COMMD1: variants seen among roughly 807,000 people sequenced by gnomAD.
The protein encoded by COMMD1 is copper metabolism domain containing 1.
COMMD1 carries 10 observed loss-of-function variants against 17.2 expected under a neutral mutation model. The observed-to-expected ratio is 0.58, with a 90% CI of 0.36 to 0.99. COMMD1 has a LOEUF of 0.99. Ranked by LOEUF, COMMD1 falls within the 50% of genes least tolerant of loss-of-function variation. The pLI is 0.01. For synonymous variants in COMMD1, 97 were observed against 91.6 expected, an observed-to-expected ratio of 1.06 and a Z score of -0.34; for missense variants, 270 against 231.8, an observed-to-expected ratio of 1.17 and a Z score of -1.07.
rs142673871 is a variant in COMMD1, at chr2:62,126,348, C to A, written c.463-9483C>A. The stretch of plus-strand genomic sequence containing the variant: ...TCTAGATCTTTGATGAATCGCCACA[C>A]CGTCTTCCACAATGGTTGGACTAAT... On this transcript the variant is annotated intron_variant, in intron 2 of 2. Transcript: ENST00000311832. Among the ~76,000 whole-genome samples, 1,169 of 152,314 alleles carry A rather than the reference C, an allele frequency of 7.7e-3. 14 individuals are homozygous for A. Among genetic ancestry groups the A allele is most frequent in the African/African-American group, 0.026 (1,097 of 41,570 alleles).
At chr2:62,088,200 C>T (rs1259944745) in intron 2 of COMMD1, among the ~76,000 whole-genome samples, 1 of 152,114 alleles carries the variant, frequency 6.6e-6, no homozygotes, top group Admixed American at 6.6e-5. Flanking sequence ...TATAAATATA[C>T]TTCCAGCCTT....
chr2:62,135,176 C>G lies in COMMD1; in HGVS notation c.463-655C>G, dbSNP rs1387426976. ...GTATTTATTTTTGATACAGGTTAAC[C>G]TCTTTGTGCCTCAGGGTCCTCATTT... On this transcript the variant is annotated intron_variant, in intron 2 of 2. Coordinates refer to ENST00000311832, the MANE Select transcript of COMMD1 (RefSeq NM_152516.4). 2.6e-5 allele frequency among the ~76,000 whole-genome samples: 4 copies of G among 152,172 alleles called. No homozygotes were observed. The South Asian group carries it at 8.3e-4, about 31-fold the overall frequency.
At chr2:62,117,877 C>T (rs1353063742) in intron 2 of COMMD1, among the ~76,000 whole-genome samples, 1 of 152,066 alleles carries the variant, frequency 6.6e-6, no homozygotes, top group Non-Finnish European at 1.5e-5. Flanking sequence ...CAGAAATGAT[C>T]CCTGCACCCT....
chr2:61,928,194 C>T (rs1426998818), intron 1 of COMMD1, among the ~76,000 whole-genome samples: 1 of 151,548 alleles, frequency 6.6e-6, no homozygotes, highest in African/African-American at 2.4e-5. Flanking sequence ...ACAGAGTTTC[C>T]CTCTGTTGCC....
intron 1 of COMMD1, among the ~76,000 whole-genome samples, chr2:61,973,588 T>C (rs892044854): frequency 1.3e-5 from 2 of 152,216 alleles, no homozygotes; most frequent in African/African-American, 4.8e-5. Context: ...ATGTTGTTTT[T>C]CAGTTTGAAG....
chr2:61,944,252 G>T (rs1670845989), intron 1 of COMMD1, among the ~76,000 whole-genome samples: 1 of 152,026 alleles, frequency 6.6e-6, no homozygotes, highest in Non-Finnish European at 1.5e-5. Flanking sequence ...AGGAGTTCAA[G>T]ACCAGCCTGG....
rs1160278272 is a variant in COMMD1, at chr2:62,122,442, T to TC, written c.463-13389_463-13388insC. Among the ~76,000 whole-genome samples, 669 of 148,218 alleles carry TC rather than the reference T, an allele frequency of 4.5e-3. 11 individuals are homozygous for TC. Among genetic ancestry groups the TC allele is most frequent in the African/African-American group, 0.016 (613 of 39,350 alleles). Reference sequence around the variant, plus strand: ...AGGAAAATCTCTAAGTTTCTTTCTTTTCTTTTTTTTTTTTTTTGTCTAGTA... The same window carrying TC: ...AGGAAAATCTCTAAGTTTCTTTCTTTCTCTTTTTTTTTTTTTTTGTCTAGTA... On this transcript the variant is annotated intron_variant, in intron 2 of 2. Coordinates refer to ENST00000311832, the MANE Select transcript of COMMD1 (RefSeq NM_152516.4).
chr2:62,132,019 G>A (rs200466588), intron 2 of COMMD1, among the ~76,000 whole-genome samples: 1 of 151,346 alleles, frequency 6.6e-6, no homozygotes, highest in Admixed American at 6.6e-5. Flanking sequence ...CTCCTGAGTA[G>A]CTGGGATTAC....
intron 1 of COMMD1, among the ~76,000 whole-genome samples, chr2:61,947,734 G>A (rs1489879320): frequency 1.0e-5 from 1 of 95,540 alleles, no homozygotes; most frequent in Non-Finnish European, 2.0e-5. Context: ...TTTTTTTTTT[G>A]GAGAAGTGGG....
chr2:61,952,636 A>T (rs1420514788), intron 1 of COMMD1, among the ~76,000 whole-genome samples: 1 of 151,544 alleles, frequency 6.6e-6, no homozygotes, highest in Non-Finnish European at 1.5e-5. Context: ...TTCCAGGAAA[A>T]CTCTGCCTAG....
At chr2:62,113,443 C>G (rs182304193) in intron 2 of COMMD1, among the ~76,000 whole-genome samples, 1 of 152,146 alleles carries the variant, frequency 6.6e-6, no homozygotes, top group Admixed American at 6.5e-5. Context: ...GAGTCTCGCT[C>G]TGTCACCCAG....
chr2:61,923,201 C>A (rs1670240667), intron 1 of COMMD1, among the ~76,000 whole-genome samples: 1 of 151,742 alleles, frequency 6.6e-6, no homozygotes, highest in Non-Finnish European at 1.5e-5. Flanking sequence ...AAATTATAAA[C>A]CTTCAATATT....
chr2:62,035,062 ATT>A (rs1160830429), intron 2 of COMMD1, among the ~76,000 whole-genome samples: 3 of 152,220 alleles, frequency 2.0e-5, no homozygotes, highest in African/African-American at 7.2e-5. Flanking sequence ...TCAGTATTTG[ATT>A]TAGATAAAAA....
intron 1 of COMMD1, among the ~76,000 whole-genome samples, chr2:61,893,063 C>A (rs1669472873): frequency 1.3e-5 from 2 of 151,910 alleles, no homozygotes; most frequent in Admixed American, 6.6e-5. Flanking sequence ...GACGGGGTTT[C>A]ACCATGTTGG....
intron 1 of COMMD1, among the ~76,000 whole-genome samples, chr2:61,959,250 AATG>A (rs1204178005): frequency 2.7e-4 from 41 of 152,314 alleles, no homozygotes; most frequent in African/African-American, 9.6e-4. Flanking sequence ...ATATAAAAAT[AATG>A]ATATTAGCCT....
intron 2 of COMMD1, among the ~76,000 whole-genome samples, chr2:62,117,974 C>T (rs1672650536): frequency 1.1e-5 from 1 of 94,994 alleles, no homozygotes; most frequent in Admixed American, 1.1e-4. Flanking sequence ...TCTGTTTCTT[C>T]CCTAGTTAGG....
At chr2:61,920,597 A>T (rs4672470) in intron 1 of COMMD1, among the ~76,000 whole-genome samples, 10,539 of 151,980 alleles carry the variant, frequency 0.069, 704 homozygotes, top group African/African-American at 0.17. Context: ...GGTAATTTTT[A>T]CCCCTTGTTG....
At chr2:62,015,007 C>T (rs1669397132) in intron 2 of COMMD1, among the ~76,000 whole-genome samples, 1 of 152,094 alleles carries the variant, frequency 6.6e-6, no homozygotes, top group African/African-American at 2.4e-5. Flanking sequence ...TTACTGTAGC[C>T]TCAAGTCCTG....
At chr2:61,989,249 A>G (rs1481000053) in intron 1 of COMMD1, among the ~76,000 whole-genome samples, 1 of 152,164 alleles carries the variant, frequency 6.6e-6, no homozygotes, top group Non-Finnish European at 1.5e-5. Context: ...TTGTTAAACA[A>G]TGGATGAACC....
Sources: gnomAD v4.1 joint callset for allele counts (sites outside exome capture counted in the v4.1 genomes callset) on GRCh38, gnomAD v4.1.1 for gene constraint, MANE v1.5 for transcripts, NCBI Gene and HGNC (gene_info 2026-07-23, HGNC 2026-07-21) for gene names.